Variants in GRM7 observed in about 807,000 individuals in gnomAD.
GRM7 encodes the protein metabotropic glutamate receptor 7.
In GRM7, 35 loss-of-function variants were observed where a neutral mutation model predicts 84.5. That is an observed-to-expected ratio of 0.41 (90% confidence interval 0.32 to 0.55). The LOEUF (loss-of-function observed/expected upper bound fraction) is 0.55. GRM7 is among the 20% of genes least tolerant of loss of function. The pLI, the probability that GRM7 is intolerant of heterozygous loss-of-function variation, is 0.19. For missense variants in GRM7, 1,003 were observed against 1,194.6 expected, an observed-to-expected ratio of 0.84 and a Z score of 2.36; for synonymous variants, 487 against 455.1, an observed-to-expected ratio of 1.07 and a Z score of -0.89.
intron 1 of GRM7, among the ~76,000 whole-genome samples, chr3:6,872,668 A>G (rs536493150): frequency 6.6e-6 from 1 of 150,878 alleles, no homozygotes; most frequent in South Asian, 2.1e-4. Flanking sequence ...CTGTGTCCAT[A>G]TGTTCTTGTT....
chr3:7,509,884 G>C (rs1001213301), intron 7 of GRM7, among the ~76,000 whole-genome samples: 1 of 152,120 alleles, frequency 6.6e-6, no homozygotes, highest in African/African-American at 2.4e-5. Flanking sequence ...ACCAGTGAAG[G>C]CTTGAAAAGT....
At chr3:6,975,731 T>C (rs1693964655) in intron 1 of GRM7, among the ~76,000 whole-genome samples, 1 of 152,126 alleles carries the variant, frequency 6.6e-6, no homozygotes, top group Non-Finnish European at 1.5e-5. Context: ...TTGTTTGTTT[T>C]AAGCCTGGCT....
At chr3:7,617,812 C>T (rs972872983) in intron 8 of GRM7, among the ~76,000 whole-genome samples, 9 of 152,152 alleles carry the variant, frequency 5.9e-5, no homozygotes, top group Non-Finnish European at 7.4e-5. Flanking sequence ...TTCCAAATGT[C>T]GACCTTTATT....
chr3:7,040,186 T>C (rs941910563), intron 1 of GRM7, among the ~76,000 whole-genome samples: 1 of 152,228 alleles, frequency 6.6e-6, no homozygotes, highest in Non-Finnish European at 1.5e-5. Context: ...AGAAATGTTC[T>C]AGTTCCAGCG....
At chr3:7,000,044 T>A (rs1694954251) in intron 1 of GRM7, among the ~76,000 whole-genome samples, 1 of 152,228 alleles carries the variant, frequency 6.6e-6, no homozygotes, top group Non-Finnish European at 1.5e-5. Flanking sequence ...CATTATATGC[T>A]GTATGAATAT....
At chr3:7,623,268 A>G (rs1213427519) in intron 8 of GRM7, among the ~76,000 whole-genome samples, 1 of 152,156 alleles carries the variant, frequency 6.6e-6, no homozygotes, top group African/African-American at 2.4e-5. Context: ...GAGGGAATGA[A>G]GGAGAACAGT....
intron 9 of GRM7, among the ~76,000 whole-genome samples, chr3:7,722,102 A>G (rs1701971138): frequency 6.6e-6 from 1 of 152,178 alleles, no homozygotes; most frequent in African/African-American, 2.4e-5. Flanking sequence ...AAACCAAACA[A>G]CGAATTTAGT....
intron 7 of GRM7, among the ~76,000 whole-genome samples, chr3:7,542,032 C>T (rs1474345757): frequency 2.0e-5 from 3 of 152,292 alleles, no homozygotes; most frequent in South Asian, 4.1e-4. Flanking sequence ...GGCGTTCTCC[C>T]TGTGTGTCTG....
intron 1 of GRM7, among the ~76,000 whole-genome samples, chr3:7,025,641 C>T (rs906749317): frequency 6.6e-6 from 1 of 152,108 alleles, no homozygotes; most frequent in African/African-American, 2.4e-5. Context: ...CTCCTCTGCC[C>T]TATCTTTCTT....
intron 7 of GRM7, among the ~76,000 whole-genome samples, chr3:7,488,489 G>C (rs560554136): frequency 6.6e-6 from 1 of 152,180 alleles, no homozygotes; most frequent in Non-Finnish European, 1.5e-5. Flanking sequence ...ACAGGAGTGA[G>C]TGAGTCCTCA....
At chr3:6,915,205 A>G (rs368423023) in intron 1 of GRM7, among the ~76,000 whole-genome samples, 3 of 152,196 alleles carry the variant, frequency 2.0e-5, no homozygotes, top group Non-Finnish European at 4.4e-5. Flanking sequence ...ATAGTCATCC[A>G]TATTTACAAA....
chr3:7,066,636 A>C (rs1214419300), intron 1 of GRM7, among the ~76,000 whole-genome samples: 1 of 151,914 alleles, frequency 6.6e-6, no homozygotes, highest in Admixed American at 6.6e-5. Flanking sequence ...CTATTCCACA[A>C]GATAGAGAAA....
At chr3:6,978,401 A>T (rs933799653) in intron 1 of GRM7, among the ~76,000 whole-genome samples, 1 of 152,094 alleles carries the variant, frequency 6.6e-6, no homozygotes, top group Non-Finnish European at 1.5e-5. Flanking sequence ...GTCTTCAGTC[A>T]CTTAGTTTGT....
At chr3:7,330,206 G>A (rs1415045515) in intron 4 of GRM7, among the ~76,000 whole-genome samples, 1 of 152,068 alleles carries the variant, frequency 6.6e-6, no homozygotes, top group Non-Finnish European at 1.5e-5. Context: ...TGTTTTTAAG[G>A]CATCATCTTG....
At chr3:7,491,388 ATATT>A (rs1383434977) in intron 7 of GRM7, among the ~76,000 whole-genome samples, 2 of 146,996 alleles carry the variant, frequency 1.4e-5, no homozygotes, top group Non-Finnish European at 3.0e-5. Flanking sequence ...GCATAATAAA[ATATT>A]AAGGAAAATG....
intron 1 of GRM7, among the ~76,000 whole-genome samples, chr3:6,915,048 G>A (rs945614098): frequency 2.0e-5 from 3 of 152,122 alleles, no homozygotes; most frequent in African/African-American, 4.8e-5. Context: ...ATTGCTCCAG[G>A]ACTAAATATT....
intron 7 of GRM7, among the ~76,000 whole-genome samples, chr3:7,469,034 C>T (rs1333291420): frequency 6.6e-6 from 1 of 152,136 alleles, no homozygotes; most frequent in Non-Finnish European, 1.5e-5. Flanking sequence ...TTTTTCTGCA[C>T]CCCCAAGCAC....
intron 1 of GRM7, among the ~76,000 whole-genome samples, chr3:7,111,628 A>G (rs368377452): frequency 6.6e-6 from 1 of 152,184 alleles, no homozygotes; most frequent in African/African-American, 2.4e-5. Flanking sequence ...TGATTAAAAC[A>G]TAGGATAATT....
intron 2 of GRM7, among the ~76,000 whole-genome samples, chr3:7,260,012 T>C (rs957913356): frequency 2.1e-5 from 3 of 143,682 alleles, no homozygotes; most frequent in Non-Finnish European, 3.0e-5. Context: ...TGATATTTCA[T>C]TGTGGTTTTT....
Sources: gnomAD v4.1 joint callset for allele counts (sites outside exome capture counted in the v4.1 genomes callset) on GRCh38, gnomAD v4.1.1 for gene constraint, MANE v1.5 for transcripts, NCBI Gene and HGNC (gene_info 2026-07-23, HGNC 2026-07-21) for gene names.